The following EPS8L2 variants were observed in gnomAD, a reference collection of about 807,000 sequenced individuals.
EPS8L2 encodes the protein epidermal growth factor receptor kinase substrate 8-like protein 2.
EPS8L2 carries 81 observed loss-of-function variants against 99.4 expected under a neutral mutation model. The observed-to-expected ratio is 0.82, with a 90% CI of 0.68 to 0.98. The LOEUF (loss-of-function observed/expected upper bound fraction) is 0.98, where lower values mean the gene tolerates loss of function less well. Among genes scored for constraint, EPS8L2 ranks in the 50% least tolerant of loss-of-function variants. The pLI is 0.00. For synonymous variants in EPS8L2, 509 were observed against 407.3 expected, an observed-to-expected ratio of 1.25 and a Z score of -3.01; for missense variants, 1,155 against 968.8, an observed-to-expected ratio of 1.19 and a Z score of -2.55.
intron 1 of EPS8L2, chr11:709,067 C>T (rs1419170713): frequency 8.0e-6 from 3 of 375,710 alleles, no homozygotes; most frequent in Non-Finnish European, 1.4e-5. Flanking sequence ...CTTCTGCCCC[C>T]AGGGCCCTTG....
chr11:726,827 G>C (rs1862344212), intron 20 of EPS8L2, 74 bp from the exon 21 acceptor site: 1 of 1,583,416 alleles, frequency 6.3e-7, no homozygotes, highest in East Asian at 2.3e-5. Flanking sequence ...TCCTGGGGTC[G>C]CAGAGCAAGG....
chr11:715,206 C>T (rs977987269), intron 4 of EPS8L2, among the ~76,000 whole-genome samples: 11 of 151,188 alleles, frequency 7.3e-5, no homozygotes, highest in African/African-American at 1.5e-4. Flanking sequence ...TGCGCCACTG[C>T]ACTCCAGCCT....
At chr11:710,004 CCTTCA>C (rs1564969089) in intron 3 of EPS8L2, 3 of 380,108 alleles carry the variant, frequency 7.9e-6, no homozygotes, top group Non-Finnish European at 1.5e-5. Context: ...CTAGATGCAC[CCTTCA>C]CTTATGTCTT....
Position 709,536 on chromosome 11 carries a change from C to T in EPS8L2, c.45-17C>T, listed in dbSNP as rs1388509551. On this transcript the variant is annotated splice_polypyrimidine_tract_variant and intron_variant, in intron 2 of 20. Transcript: ENST00000318562. ...GGGGTGCAGTTTGGCCCTGCCCTGA[C>T]AGCCCCTCCCCTGCAGTGGCAGCCT... The T allele has an allele frequency of 2.5e-6, 4 of 1,609,904 alleles. No individual in the cohort carries two copies. Among genetic ancestry groups the T allele is most frequent in the Non-Finnish European group, 2.5e-6 (3 of 1,178,126 alleles).
At chr11:709,498 C>T (rs371297832) in intron 2 of EPS8L2, 47 bp downstream of exon 2, 2 of 1,139,910 alleles carry the variant, frequency 1.8e-6, no homozygotes, top group Non-Finnish European at 2.4e-6. Flanking sequence ...ACCCTCTGAA[C>T]AGTCCCCAGG....
chr11:715,214 C>T (rs1861991762), intron 4 of EPS8L2, among the ~76,000 whole-genome samples: 1 of 151,578 alleles, frequency 6.6e-6, no homozygotes. Context: ...TGCACTCCAG[C>T]CTGGGAGACA....
chr11:723,306 C>T lies in EPS8L2; in HGVS notation c.1407C>T (p.Thr469=). Residue 469 remains threonine, a synonymous_variant, in exon 15 of 21, where the codon ACC becomes ACT. Transcript: ENST00000318562. The part of the protein sequence containing the change: ...SQKHSPTSEP[T]PPGDALPPVS... The stretch of plus-strand genomic sequence containing the variant: ...AGCACAGCCCCACTTCAGAGCCCAC[C>T]CCCCCGGGGGATGCCCTACCACCAG... The T allele has an allele frequency of 6.2e-7, 1 of 1,601,426 alleles. No individual in the cohort carries two copies.
At chr11:707,971 G>A (rs932450195) in intron 1 of EPS8L2, among the ~76,000 whole-genome samples, 2 of 152,150 alleles carry the variant, frequency 1.3e-5, no homozygotes, top group African/African-American at 4.8e-5. Context: ...ATAGATGGAT[G>A]GAGGAAGTGG....
At chr11:717,865 C>T (rs931233911) in intron 4 of EPS8L2, among the ~76,000 whole-genome samples, 21 of 151,530 alleles carry the variant, frequency 1.4e-4, no homozygotes, top group Non-Finnish European at 1.2e-4. Context: ...AAAAATTAGC[C>T]GGGCGTGGTG....
At chr11:709,670 G>A (rs747763687) in intron 3 of EPS8L2, 62 bp downstream of exon 3, 62 of 1,570,206 alleles carry the variant, frequency 3.9e-5, no homozygotes, top group Non-Finnish European at 5.4e-5. Context: ...GCATCCAGGT[G>A]GGGGACAGCT....
chr11:706,327 C>G (rs536632429), intron 1 of EPS8L2, 39 bp downstream of exon 1: 9 of 152,250 alleles, frequency 5.9e-5, no homozygotes, highest in African/African-American at 2.2e-4. Context: ...CCCGCCCGGG[C>G]CTCAGTTTAC....
chr11:716,592 A>G (rs1260446875), intron 4 of EPS8L2, among the ~76,000 whole-genome samples: 1 of 152,170 alleles, frequency 6.6e-6, no homozygotes, highest in African/African-American at 2.4e-5. Context: ...CTTTTCTAAG[A>G]TATTCATGGA....
At chr11:713,135 G>C (rs1348658842) in intron 4 of EPS8L2, among the ~76,000 whole-genome samples, 1 of 152,258 alleles carries the variant, frequency 6.6e-6, no homozygotes, top group Non-Finnish European at 1.5e-5. Flanking sequence ...CTGGTGGGAA[G>C]TCTCTCCAGC....
At chr11:720,011 T>A in intron 4 of EPS8L2, 51 bp from the exon 5 acceptor site, 2 of 1,551,296 alleles carry the variant, frequency 1.3e-6, no homozygotes, top group Non-Finnish European at 1.7e-6. Context: ...GGGGCTGGGC[T>A]TTCGACACAA....
rs1489715427 is a variant in EPS8L2 at position 722,164 on chromosome 11, T to C, written c.1058T>C (p.Leu353Pro). 2.5e-6 allele frequency: 4 copies of C among 1,611,980 alleles called. No homozygotes were observed. The highest frequency in any genetic ancestry group is 3.4e-6 in the Non-Finnish European group (4 of 1,179,458). The change falls in exon 12 of 21, where the codon CTG becomes CCG. Residue 353 changes from leucine to proline, a missense_variant and splice_region_variant. Leu to Pro is a moderately conservative substitution (Grantham distance 98, BLOSUM62 -3). Coordinates refer to ENST00000318562, the MANE Select transcript of EPS8L2 (RefSeq NM_022772.4). ...LVHFLFGPLD[L>P]IVNTCSGPDI... ...CACTTCCTCTTCGGGCCTCTGGACC[T>C]GGTGCCTGGGGCCGGGCGGCAGGGG...
At chr11:711,290 GTC>G (rs1861884724) in intron 4 of EPS8L2, among the ~76,000 whole-genome samples, 2 of 150,668 alleles carry the variant, frequency 1.3e-5, no homozygotes, top group African/African-American at 4.9e-5. Flanking sequence ...GTGTGTGTGT[GTC>G]TTTTTTTCTT....
At chr11:714,084 T>C (rs1861955457) in intron 4 of EPS8L2, among the ~76,000 whole-genome samples, 1 of 152,202 alleles carries the variant, frequency 6.6e-6, no homozygotes, top group Non-Finnish European at 1.5e-5. Flanking sequence ...TCCATTCGTA[T>C]GTGTTTTTCT....
Position 725,744 on chromosome 11 carries a change from G to C in EPS8L2, c.1577G>C (p.Arg526Pro). 1.1e-5 allele frequency: 15 copies of C among 1,329,588 alleles called. No individual in the cohort carries two copies. The highest frequency in any genetic ancestry group is 1.5e-5 in the African/African-American group (1 of 65,914). The allele number at this position is 1,329,588 out of a possible 1,614,324, so 82.4% of individuals were successfully genotyped here. Residue 526 changes from arginine to proline, a missense_variant, in exon 17 of 21, where the codon CGG (arginine) becomes CCG (proline). Transcript: ENST00000318562. Reference sequence around the variant, plus strand: ...GCCCCGCAGGTGCTGGAGGACGGCCGGCAGTGGTGGAAGCTGCGCAGCCGC... The same window carrying C: ...GCCCCGCAGGTGCTGGAGGACGGCCCGCAGTGGTGGAAGCTGCGCAGCCGC... ...DEVLEVLEDG[R>P]QWWKLRSRSG...
intron 4 of EPS8L2, among the ~76,000 whole-genome samples, chr11:715,608 TTTTTC>T (rs948755019): frequency 1.1e-4 from 17 of 150,884 alleles, no homozygotes; most frequent in African/African-American, 4.2e-4. Flanking sequence ...TCACTTTATC[TTTTTC>T]TTTTGTTTTT....
Sources: gnomAD v4.1 joint callset for allele counts (sites outside exome capture counted in the v4.1 genomes callset) on GRCh38, gnomAD v4.1.1 for gene constraint, MANE v1.5 for transcripts, NCBI Gene and HGNC (gene_info 2026-07-23, HGNC 2026-07-21) for gene names.